Variants in GPR35 observed in about 807,000 individuals in gnomAD.
The protein encoded by GPR35 is G protein-coupled receptor 35, also known as KYNA receptor.
For synonymous variants in GPR35, 207 were observed against 198.4 expected, an observed-to-expected ratio of 1.04 and a Z score of -0.36; for missense variants, 372 against 422.5, an observed-to-expected ratio of 0.88 and a Z score of 1.05.
At chr2:240,617,632 T>C (rs556645692) in intron 4 of GPR35, 1 of 182,958 alleles carries the variant, frequency 5.5e-6, no homozygotes, top group Non-Finnish European at 1.2e-5. Flanking sequence ...GCTTGATTCT[T>C]TCCCTTCCTT....
chr2:240,621,827 G>A (rs2043299102), upstream of GPR35, among the ~76,000 whole-genome samples: 1 of 152,216 alleles, frequency 6.6e-6, no homozygotes, highest in African/African-American at 2.4e-5. Context: ...TCTCGTCTGT[G>A]TAAAGACTAA....
At chr2:240,622,539 G>C (rs1231052062), upstream of GPR35, among the ~76,000 whole-genome samples, 1 of 152,230 alleles carries the variant, frequency 6.6e-6, no homozygotes, top group Non-Finnish European at 1.5e-5. Context: ...GCAAAAAAAG[G>C]TCTCTGCGTA....
intron 5 of GPR35, among the ~76,000 whole-genome samples, chr2:240,619,519 C>T (rs10933621): frequency 0.25 from 37,763 of 152,090 alleles, 5,092 homozygotes; most frequent in Non-Finnish European, 0.31. Context: ...GGCTCCTGGG[C>T]GTGATTAAAC....
chr2:240,615,302 C>G (rs1363450776), intron 2 of GPR35, among the ~76,000 whole-genome samples: 1 of 152,158 alleles, frequency 6.6e-6, no homozygotes, highest in East Asian at 1.9e-4. Context: ...TCATGTAGAC[C>G]CGTGAGTCCC....
In GPR35 at chr2:240,632,219, A is replaced by C. The variant is rs540152365; in HGVS notation, c.*1337A>C. On this transcript the variant is annotated 3_prime_UTR_variant, in exon 2 of 2. Coordinates refer to ENST00000407714, the MANE Select transcript of GPR35 (RefSeq NM_005301.5). ...GGGGGTCTATGTCCAGGAGGGTCCC[A>C]TGCCTGGAAGGGTCCATGCTCAGGA... Among the ~76,000 whole-genome samples the C allele has an allele frequency of 5.3e-5, 8 of 150,198 alleles. No homozygotes were observed. The highest frequency in any genetic ancestry group is 1.0e-4 in the Non-Finnish European group (7 of 67,472).
chr2:240,610,984 G>A (rs1349381588), intron 2 of GPR35, among the ~76,000 whole-genome samples: 1 of 151,770 alleles, frequency 6.6e-6, no homozygotes. Flanking sequence ...CCAGGCTAGT[G>A]TGCAGTGGCA....
Position 240,630,659 on chromosome 2 carries a change from G to C in GPR35, c.707G>C (p.Gly236Ala), listed in dbSNP as rs1342409362. The change falls in exon 2 of 2, where the codon GGG becomes GCG. Residue 236 changes from glycine to alanine, a missense_variant. Coordinates refer to ENST00000407714, the MANE Select transcript of GPR35 (RefSeq NM_005301.5). ...GTCTGCTTCCTGCCCCTGCACGTGG[G>C]GCTGACAGTGCGCCTCGCAGTGGGC... Reference protein sequence around the residue: ...FVVCFLPLHVGLTVRLAVGWN... With the variant: ...FVVCFLPLHVALTVRLAVGWN... 4 of 1,613,180 alleles carry C rather than the reference G, an allele frequency of 2.5e-6. No homozygotes were observed. Among genetic ancestry groups the C allele is most frequent in the Admixed American group, 1.7e-5 (1 of 60,030 alleles).
chr2:240,625,235 C>A (rs773693113), upstream of GPR35: 6 of 983,702 alleles, frequency 6.1e-6, no homozygotes, highest in Non-Finnish European at 7.2e-6. Context: ...CTGTCTCTCA[C>A]GCTGTTTCCA....
intron 3 of GPR35, among the ~76,000 whole-genome samples, chr2:240,616,723 T>C (rs2043241666): frequency 7.5e-6 from 1 of 133,136 alleles, no homozygotes; most frequent in African/African-American, 2.9e-5. Context: ...ACTTACTCAC[T>C]TATAACAAAC....
At chr2:240,620,921 C>T (rs2043286265), upstream of GPR35, among the ~76,000 whole-genome samples, 1 of 152,248 alleles carries the variant, frequency 6.6e-6, no homozygotes, top group South Asian at 2.1e-4. Context: ...GACCCTGTGT[C>T]CTGGTCCCCA....
intron 2 of GPR35, among the ~76,000 whole-genome samples, chr2:240,612,945 G>T (rs1011464433): frequency 1.3e-5 from 2 of 152,218 alleles, no homozygotes; most frequent in Non-Finnish European, 2.9e-5. Flanking sequence ...CCAGGGGCGC[G>T]GACATAACCC....
chr2:240,610,801 AT>A (rs554784905), intron 2 of GPR35, among the ~76,000 whole-genome samples: 563 of 136,636 alleles, frequency 4.1e-3, no homozygotes, highest in African/African-American at 5.5e-3. Context: ...CGCCCGGCTA[AT>A]TTTTTTTTTT....
At chr2:240,615,370 G>T (rs1278898913) in intron 2 of GPR35, among the ~76,000 whole-genome samples, 1 of 152,208 alleles carries the variant, frequency 6.6e-6, no homozygotes, top group Non-Finnish European at 1.5e-5. Context: ...CAGGGCCAGT[G>T]AGGAAACCCC....
chr2:240,616,588 G>A (rs1351860010), intron 3 of GPR35: 1 of 725,972 alleles, frequency 1.4e-6, no homozygotes, highest in African/African-American at 1.7e-5. Context: ...ATGATATCTG[G>A]TGGTCTCTTT....
intron 2 of GPR35, among the ~76,000 whole-genome samples, chr2:240,609,866 G>C (rs567380631): frequency 6.6e-6 from 1 of 151,988 alleles, no homozygotes; most frequent in Admixed American, 6.6e-5. Flanking sequence ...AGTTCTATCA[G>C]CTTCCTTCAT....
At chr2:240,610,464 T>A (rs1420372286) in intron 2 of GPR35, among the ~76,000 whole-genome samples, 2 of 152,162 alleles carry the variant, frequency 1.3e-5, no homozygotes, top group Admixed American at 1.3e-4. Context: ...TGTCATTTCT[T>A]GCTTTCTTTT....
upstream of GPR35, among the ~76,000 whole-genome samples, chr2:240,623,931 G>A (rs377435536): frequency 2.5e-4 from 38 of 152,102 alleles, 1 homozygote; most frequent in African/African-American, 4.6e-4. Flanking sequence ...TGGTGGGGAC[G>A]GGGTGCCCCA....
At chr2:240,625,331 C>G, upstream of GPR35, 1 of 985,538 alleles carries the variant, frequency 1.0e-6, no homozygotes, top group Non-Finnish European at 1.2e-6. Context: ...TCCCAGAAAT[C>G]CCCCACGCCC....
intron 4 of GPR35, among the ~76,000 whole-genome samples, chr2:240,618,354 G>C (rs369530615): frequency 6.6e-6 from 1 of 152,112 alleles, no homozygotes; most frequent in East Asian, 1.9e-4. Context: ...TTGTGTCGAC[G>C]TACAGACAAA....
Sources: allele counts gnomAD v4.1 joint callset (sites outside exome capture counted in the v4.1 genomes callset), GRCh38; gene constraint gnomAD v4.1.1; transcripts MANE v1.5; gene names NCBI Gene and HGNC (gene_info 2026-07-23, HGNC 2026-07-21).